LINGO1: variants seen among roughly 807,000 people sequenced by gnomAD.
LINGO1 encodes the protein leucine-rich repeat and immunoglobulin-like domain-containing nogo receptor-interacting protein 1.
In LINGO1, 11 loss-of-function variants were observed where a neutral mutation model predicts 37.3. The observed-to-expected ratio is 0.29, with a 90% CI of 0.19 to 0.49. The LOEUF is 0.49. Ranked by LOEUF, LINGO1 falls within the 20% of genes least tolerant of loss-of-function variation. LINGO1 has a pLI of 0.99. For synonymous variants in LINGO1, 387 were observed against 403.0 expected (o/e 0.96, Z 0.48); for missense variants, 585 against 878.2 (o/e 0.67, Z 4.22).
chr15:77,691,084 G>A (rs1200232642), intron 1 of LINGO1, among the ~76,000 whole-genome samples: 8 of 152,232 alleles, frequency 5.3e-5, no homozygotes, highest in African/African-American at 1.9e-4. Flanking sequence ...TTCTGTCTCT[G>A]CACTGTCCAA....
chr15:77,701,670 G>C (rs2075785245), intron 2 of LINGO1, among the ~76,000 whole-genome samples: 2 of 152,040 alleles, frequency 1.3e-5, no homozygotes, highest in African/African-American at 4.8e-5. Flanking sequence ...GTTCCCATGA[G>C]AACTGATTGT....
chr15:77,678,035 C>A (rs2141220377), intron 2 of LINGO1, among the ~76,000 whole-genome samples: 1 of 152,338 alleles, frequency 6.6e-6, no homozygotes, highest in South Asian at 2.1e-4. Flanking sequence ...TCTGTGACCA[C>A]CTCCTTCTCA....
chr15:77,720,116 AG>A (rs1355744436), intron 2 of LINGO1, among the ~76,000 whole-genome samples: 2 of 150,122 alleles, frequency 1.3e-5, no homozygotes, highest in African/African-American at 4.8e-5. Flanking sequence ...GGCTTCACCA[AG>A]GACCCCTGCT....
intron 1 of LINGO1, among the ~76,000 whole-genome samples, chr15:77,815,158 C>T (rs1010795966): frequency 6.6e-6 from 1 of 152,216 alleles, no homozygotes; most frequent in Non-Finnish European, 1.5e-5. Flanking sequence ...ACCATGGTGG[C>T]AGCTGCTATC....
At chr15:77,674,120 A>G (rs971051776) in intron 3 of LINGO1, among the ~76,000 whole-genome samples, 2 of 150,846 alleles carry the variant, frequency 1.3e-5, no homozygotes, top group Non-Finnish European at 3.0e-5. Flanking sequence ...TGGCAACCCC[A>G]CCCTCCTAGA....
chr15:77,819,768 C>T (rs1187432314), intron 1 of LINGO1, among the ~76,000 whole-genome samples: 1 of 150,940 alleles, frequency 6.6e-6, no homozygotes, highest in African/African-American at 2.4e-5. Flanking sequence ...GGCTCCCGCA[C>T]CCTGCCTGGC....
At chr15:77,657,450 A>G (rs528078541) in intron 3 of LINGO1, among the ~76,000 whole-genome samples, 1 of 152,256 alleles carries the variant, frequency 6.6e-6, no homozygotes, top group South Asian at 2.1e-4. Flanking sequence ...GGGTGTCCTG[A>G]ATCCCCAAAC....
chr15:77,707,705 A>G (rs1009091102), intron 2 of LINGO1, among the ~76,000 whole-genome samples: 4 of 152,176 alleles, frequency 2.6e-5, no homozygotes, highest in African/African-American at 9.7e-5. Context: ...TTCTGCAACC[A>G]CTGGGCAAGC....
At chr15:77,753,998 C>T (rs1596191927) in intron 1 of LINGO1, among the ~76,000 whole-genome samples, 1 of 152,172 alleles carries the variant, frequency 6.6e-6, no homozygotes, top group East Asian at 1.9e-4. Flanking sequence ...TGCCAGGTGC[C>T]TGTCTTCATG....
intron 1 of LINGO1, among the ~76,000 whole-genome samples, chr15:77,741,687 G>A (rs994803683): frequency 3.3e-5 from 5 of 152,202 alleles, no homozygotes; most frequent in South Asian, 2.1e-4. Context: ...GTAGCTTCCC[G>A]CCTCAGCTTC....
At chr15:77,797,351 T>C (rs1165446757) in intron 1 of LINGO1, among the ~76,000 whole-genome samples, 1 of 152,170 alleles carries the variant, frequency 6.6e-6, no homozygotes. Context: ...CACAAGGGGA[T>C]TTCGTGGTGT....
chr15:77,754,404 C>T (rs1380324463), intron 1 of LINGO1, among the ~76,000 whole-genome samples: 2 of 152,156 alleles, frequency 1.3e-5, no homozygotes, highest in Non-Finnish European at 2.9e-5. Context: ...GCCCAGCCAC[C>T]GTCCGCTTCT....
rs1567587900 is a variant in LINGO1, at chr15:77,794,305, CATATATGTGTATATACAT to C, written c.-343+1616_-343+1633del. On this transcript the variant is annotated intron_variant, in intron 2 of 5. Transcript: ENST00000562933. ...ATATATATATGTATGTATATATATACATATATGTGTATATACATACATATATGTATATACATACATATA... is the reference window on the plus strand; with the variant it reads ...ATATATATATGTATGTATATATATACACATATATGTATATACATACATATA... Among the ~76,000 whole-genome samples the C allele has an allele frequency of 3.7e-4, 43 of 117,718 alleles. 3 individuals carry two copies. Among genetic ancestry groups the C allele is most frequent in the African/African-American group, 1.2e-3 (38 of 32,536 alleles). The allele number at this position is 117,718 out of a possible 152,430, so 77.2% of individuals were successfully genotyped here. A position where few individuals can be genotyped will look rare whatever the true frequency, so the allele number is the denominator to read the frequency against.
chr15:77,783,439 T>A (rs2076740706), intron 1 of LINGO1, among the ~76,000 whole-genome samples: 1 of 152,080 alleles, frequency 6.6e-6, no homozygotes, highest in Non-Finnish European at 1.5e-5. Flanking sequence ...TGCCCCTACC[T>A]TGGTAGGGCC....
At chr15:77,751,397 G>A (rs1472926066) in intron 1 of LINGO1, among the ~76,000 whole-genome samples, 1 of 152,192 alleles carries the variant, frequency 6.6e-6, no homozygotes, top group Admixed American at 6.5e-5. Flanking sequence ...TACCTTGCCC[G>A]TGGGGTTCAC....
chr15:77,764,323 A>G (rs2076505976), intron 1 of LINGO1, among the ~76,000 whole-genome samples: 1 of 152,242 alleles, frequency 6.6e-6, no homozygotes, highest in Non-Finnish European at 1.5e-5. Context: ...AGCATAAGCC[A>G]TAAAGGTGAG....
At chr15:77,740,015 T>C (rs11633354) in intron 1 of LINGO1, among the ~76,000 whole-genome samples, 75,842 of 152,188 alleles carry the variant, frequency 0.5, 19,026 homozygotes, top group Admixed American at 0.6. Flanking sequence ...ACCTAGGGGA[T>C]CACCAAACCC....
In LINGO1 at chr15:77,664,170, T is replaced by TGTGCGCGCGCGTGCGC; in HGVS notation, c.-13+12918_-13+12919insGCGCACGCGCGCGCAC. ...GTGTGTGTGTGTGTGTGTGTGTGTG[T>TGTGCGCGCGCGTGCGC]GCGCGCGCGCATGCGTTTGCATTCT... On this transcript the variant is annotated intron_variant, in intron 3 of 3. Coordinates refer to the LINGO1 transcript ENST00000559893. Among the ~76,000 whole-genome samples the TGTGCGCGCGCGTGCGC allele has an allele frequency of 9.8e-3, 1,285 of 130,942 alleles. 12 individuals carry two copies. Among genetic ancestry groups the TGTGCGCGCGCGTGCGC allele is most frequent in the Non-Finnish European group, 0.014 (910 of 64,656 alleles). 85.9% of individuals were successfully genotyped at this position (130,942 alleles called of 152,430 possible). A position where few individuals can be genotyped will look rare whatever the true frequency, so the allele number is the denominator to read the frequency against.
At chr15:77,773,088 G>T (rs146847220) in intron 1 of LINGO1, among the ~76,000 whole-genome samples, 2 of 152,324 alleles carry the variant, frequency 1.3e-5, no homozygotes, top group South Asian at 2.1e-4. Flanking sequence ...GGAGGGAGGA[G>T]AAGGTGGCTG....
Sources: gnomAD v4.1 joint callset for allele counts (sites outside exome capture counted in the v4.1 genomes callset) on GRCh38, gnomAD v4.1.1 for gene constraint, MANE v1.5 for transcripts, NCBI Gene and HGNC (gene_info 2026-07-23, HGNC 2026-07-21) for gene names.